The following POGLUT1 variants were observed in gnomAD, a reference collection of about 807,000 sequenced individuals.
POGLUT1 encodes the protein protein O-glucosyltransferase 1, also known as 9630046K23Rik.
Under a neutral mutation model 61.3 loss-of-function variants are expected in POGLUT1, and 32 were observed. That is an observed-to-expected ratio of 0.52 (90% CI 0.39 to 0.70). The LOEUF is 0.70. POGLUT1 is among the 30% of genes least tolerant of loss of function. The pLI is 0.00. For missense variants in POGLUT1, 411 were observed against 469.8 expected (o/e 0.87, Z 1.16); for synonymous variants, 158 against 158.2 (o/e 1.00, Z 0.01).
At chr3:119,488,717 T>A (rs1408857699) in intron 7 of POGLUT1, 1 of 353,824 alleles carries the variant, frequency 2.8e-6, no homozygotes, top group Admixed American at 4.2e-5. Flanking sequence ...AACTCTGTCT[T>A]CTATTTAGAG....
intron 6 of POGLUT1, among the ~76,000 whole-genome samples, chr3:119,486,098 A>T (rs2107714590): frequency 6.6e-6 from 1 of 152,342 alleles, no homozygotes; most frequent in Admixed American, 6.5e-5. Context: ...TTTAGGAGGT[A>T]AATGGATTAT....
intron 3 of POGLUT1, among the ~76,000 whole-genome samples, chr3:119,472,427 A>G (rs2081485497): frequency 6.6e-6 from 1 of 152,212 alleles, no homozygotes; most frequent in African/African-American, 2.4e-5. Flanking sequence ...TTATAAGTAT[A>G]TAAACAAGGC....
At chr3:119,469,201 C>T in intron 1 of POGLUT1, 95 bp downstream of exon 1, 2 of 979,572 alleles carry the variant, frequency 2.0e-6, no homozygotes, top group Non-Finnish European at 1.6e-6. Flanking sequence ...CGGGAAGATG[C>T]CGTGGCCGCT....
chr3:119,475,706 G>A (rs181703379), intron 3 of POGLUT1, among the ~76,000 whole-genome samples: 9 of 151,892 alleles, frequency 5.9e-5, no homozygotes, highest in Admixed American at 5.2e-4. Flanking sequence ...CTAGCTACTC[G>A]GGAGGCTGAG....
At position 119,471,323 on chromosome 3, in the gene POGLUT1, A is replaced by T; in HGVS notation, c.191A>T (p.Asp64Val). ...CSCYHGVIEE[D>V]LTPFRGGISR... ...TTCTTTCCCAGTGTCATAGAAGAGGATCTAACTCCTTTCCGAGGAGGCATC... is the reference window on the plus strand; with the variant it reads ...TTCTTTCCCAGTGTCATAGAAGAGGTTCTAACTCCTTTCCGAGGAGGCATC... The change falls in exon 3 of 11, where the codon GAT (aspartate) becomes GTT (valine). Residue 64 changes from aspartate to valine, a missense_variant. Coordinates refer to ENST00000295588, the MANE Select transcript of POGLUT1 (RefSeq NM_152305.3). 3.1e-6 allele frequency: 5 copies of T among 1,614,012 alleles called. No individual in the cohort carries two copies. The highest frequency in any genetic ancestry group is 4.2e-6 in the Non-Finnish European group (5 of 1,179,954).
rs558316243 is a variant in POGLUT1 at position 119,472,126 on chromosome 3, G to T, written c.320+674G>T. ...TGAAGGCAGGGTGGTAAGCAGGGAGGGTCATGGGCTGAGGGTGGAGGTTGG... is the reference window on the plus strand; with the variant it reads ...TGAAGGCAGGGTGGTAAGCAGGGAGTGTCATGGGCTGAGGGTGGAGGTTGG... On this transcript the variant is annotated intron_variant, in intron 3 of 10. Transcript: ENST00000295588. Among the ~76,000 whole-genome samples the T allele has an allele frequency of 2.6e-5, 4 of 152,254 alleles. No individual in the cohort carries two copies. In the South Asian group the frequency reaches 6.2e-4, roughly 24 times the overall value.
Position 119,494,272 on chromosome 3 carries a change from C to T in POGLUT1, c.*1834C>T, listed in dbSNP as rs929750361. The T allele has an allele frequency of 6.6e-6, 1 of 152,404 alleles. No homozygotes were observed. Among genetic ancestry groups the T allele is most frequent in the African/African-American group, 2.4e-5 (1 of 41,398 alleles). The allele number at this position is 152,404 out of a possible 1,614,324, so 9.4% of individuals were successfully genotyped here. ...CTTCATGATCCAGCACAGTGCCTCA[C>T]ACAAAGAACTATTGGGTGGGTGGAT... On this transcript the variant is annotated 3_prime_UTR_variant, in exon 11 of 11. Coordinates refer to ENST00000295588, the MANE Select transcript of POGLUT1 (RefSeq NM_152305.3).
intron 9 of POGLUT1, 92 bp downstream of exon 9, chr3:119,490,810 C>T (rs558069892): frequency 2.9e-4 from 322 of 1,111,168 alleles, no homozygotes; most frequent in Non-Finnish European, 1.0e-4. Flanking sequence ...TCATGTAAGA[C>T]ATTTAGTCCT....
chr3:119,479,039 TC>T (rs2081576403), intron 4 of POGLUT1, among the ~76,000 whole-genome samples: 1 of 152,130 alleles, frequency 6.6e-6, no homozygotes. Context: ...ATTCTCCACC[TC>T]AGCCTCCTGA....
At chr3:119,472,762 G>T (rs1451709104) in intron 3 of POGLUT1, among the ~76,000 whole-genome samples, 1 of 152,196 alleles carries the variant, frequency 6.6e-6, no homozygotes, top group East Asian at 1.9e-4. Context: ...TGGGCATGGT[G>T]GCTTGTGCCT....
At chr3:119,475,997 CACATACAG>C (rs2081533512) in intron 3 of POGLUT1, among the ~76,000 whole-genome samples, 2 of 95,982 alleles carry the variant, frequency 2.1e-5, no homozygotes, top group African/African-American at 1.4e-4. Context: ...CACACACAAA[CACATACAG>C]AGTTGCCAGG....
chr3:119,482,141 C>A (rs146440658), intron 5 of POGLUT1, among the ~76,000 whole-genome samples: 1 of 152,190 alleles, frequency 6.6e-6, no homozygotes, highest in African/African-American at 2.4e-5. Context: ...CTTTCCCCCC[C>A]TCCTCAGGTA....
intron 7 of POGLUT1, chr3:119,487,161 A>G (rs915562064): frequency 5.9e-6 from 3 of 512,156 alleles, no homozygotes; most frequent in Middle Eastern, 5.3e-4. Flanking sequence ...GGTTTAAACC[A>G]GGGGTCACAA....
rs1260542304 is a variant in POGLUT1 at position 119,477,368 on chromosome 3, G to A, written c.376G>A (p.Glu126Lys). 1 of 1,614,086 alleles carries A rather than the reference G, an allele frequency of 6.2e-7. No individual in the cohort carries two copies. The highest frequency in any genetic ancestry group is 1.7e-5 in the Admixed American group (1 of 60,026). The change falls in exon 4 of 11, where the codon GAG becomes AAG. Residue 126 changes from glutamate (E) to lysine (K), a missense_variant. Physicochemically the swap from Glu to Lys is moderately conservative, Grantham distance 56. Transcript: ENST00000295588. Reference protein sequence around the residue: ...LEVIGRLPDMEMVINVRDYPQ... With the variant: ...LEVIGRLPDMKMVINVRDYPQ... The stretch of plus-strand genomic sequence containing the variant: ...AGTGATCGGGCGTCTCCCTGACATG[G>A]AGATGGTGATCAATGTACGAGATTA...
intron 6 of POGLUT1, among the ~76,000 whole-genome samples, chr3:119,485,955 T>C (rs2081659264): frequency 6.6e-6 from 1 of 152,172 alleles, no homozygotes; most frequent in Non-Finnish European, 1.5e-5. Flanking sequence ...AGCATGTCAA[T>C]ATATGATAAA....
rs561835423 is a variant in POGLUT1, at chr3:119,490,823, G to A, written c.965+105G>A. ...AGTCATGTAAGACATTTAGTCCTAC[G>A]ATTTTTTTCCATTGAAAGCTTTTTT... On this transcript the variant is annotated intron_variant, in intron 9 of 10. Coordinates refer to ENST00000295588, the MANE Select transcript of POGLUT1 (RefSeq NM_152305.3). 1.7e-5 allele frequency: 16 copies of A among 963,528 alleles called. No individual in the cohort carries two copies. In the South Asian group the frequency reaches 1.7e-4, roughly 10 times the overall value. The allele number at this position is 963,528 out of a possible 1,614,324, so 59.7% of individuals were successfully genotyped here. A position where few individuals can be genotyped will look rare whatever the true frequency, so the allele number is the denominator to read the frequency against.
rs1317519260 is a variant in POGLUT1, at chr3:119,491,505, C to A, written c.966-13C>A. The stretch of plus-strand genomic sequence containing the variant: ...GGTCTATATTTCACAGTCTAAAATT[C>A]TTTTCATTTTAGAGAGCTGTTACAA... On this transcript the variant is annotated splice_polypyrimidine_tract_variant and intron_variant, in intron 9 of 10. Transcript: ENST00000295588. 4 of 1,395,972 alleles carry A rather than the reference C, an allele frequency of 2.9e-6. No individual in the cohort carries two copies. The highest frequency in any genetic ancestry group is 2.4e-5 in the East Asian group (1 of 41,374). The allele number at this position is 1,395,972 out of a possible 1,614,324, so 86.5% of individuals were successfully genotyped here. A position where few individuals can be genotyped will look rare whatever the true frequency, so the allele number is the denominator to read the frequency against.
At chr3:119,487,564 C>T (rs184984118) in intron 7 of POGLUT1, among the ~76,000 whole-genome samples, 293 of 151,712 alleles carry the variant, frequency 1.9e-3, no homozygotes, top group African/African-American at 5.1e-3. Context: ...TCCAGCCTGG[C>T]GACAGAGCAA....
chr3:119,481,022 G>A (rs6763716), intron 5 of POGLUT1, among the ~76,000 whole-genome samples: 18,009 of 152,098 alleles, frequency 0.12, 2,694 homozygotes, highest in African/African-American at 0.35. Flanking sequence ...TTACAGGCAC[G>A]AGCCCCTGTG....
Sources: allele counts gnomAD v4.1 joint callset (sites outside exome capture counted in the v4.1 genomes callset), GRCh38; gene constraint gnomAD v4.1.1; transcripts MANE v1.5; gene names NCBI Gene and HGNC (gene_info 2026-07-23, HGNC 2026-07-21).